Variants in ACER3 observed in about 807,000 individuals in gnomAD.
ACER3 encodes the protein alkaline ceramidase 3, also known as alkCDase 3.
In ACER3, 16 loss-of-function variants were observed where a neutral mutation model predicts 48.9. The ratio of observed to expected loss-of-function variants is 0.33; its 90% confidence interval spans 0.22 to 0.50. ACER3 has a LOEUF of 0.50. ACER3 is among the 20% of genes least tolerant of loss of function. The pLI is 0.98. For missense variants in ACER3, 227 were observed against 326.0 expected (o/e 0.70, Z 2.34); for synonymous variants, 109 against 107.8 (o/e 1.01, Z -0.07).
intron 3 of ACER3, among the ~76,000 whole-genome samples, chr11:76,963,414 A>G (rs1366211437): frequency 6.6e-6 from 1 of 151,318 alleles, no homozygotes; most frequent in Non-Finnish European, 1.5e-5. Context: ...TTTTCCTCCA[A>G]CCTCATTCTT....
At chr11:76,934,359 C>G (rs911595825) in intron 2 of ACER3, among the ~76,000 whole-genome samples, 2 of 152,172 alleles carry the variant, frequency 1.3e-5, no homozygotes, top group African/African-American at 4.8e-5. Context: ...GAGGTTGTAG[C>G]CAGCCGAGAT....
intron 1 of ACER3, among the ~76,000 whole-genome samples, chr11:76,892,680 G>C (rs1051523199): frequency 6.6e-6 from 1 of 151,930 alleles, no homozygotes; most frequent in Non-Finnish European, 1.5e-5. Context: ...GAGAGATTTG[G>C]GAATTTTTTT....
At chr11:76,927,456 C>G (rs1946860261) in intron 2 of ACER3, among the ~76,000 whole-genome samples, 1 of 93,656 alleles carries the variant, frequency 1.1e-5, no homozygotes, top group East Asian at 3.2e-4. Flanking sequence ...ATTTTCTATT[C>G]TGTTTTTTTT....
intron 7 of ACER3, among the ~76,000 whole-genome samples, chr11:77,001,579 G>T (rs1263892239): frequency 6.6e-6 from 1 of 152,044 alleles, no homozygotes; most frequent in Non-Finnish European, 1.5e-5. Flanking sequence ...TTTAAGATTT[G>T]CTGCAAATAG....
At chr11:76,868,334 T>C (rs1945147863) in intron 1 of ACER3, 1 of 1,230,988 alleles carries the variant, frequency 8.1e-7, no homozygotes, top group Non-Finnish European at 1.0e-6. Flanking sequence ...GAAGGCCAAA[T>C]GAAAGGACAA....
intron 6 of ACER3, among the ~76,000 whole-genome samples, chr11:76,994,455 A>G (rs995030799): frequency 4.0e-5 from 6 of 151,382 alleles, no homozygotes; most frequent in African/African-American, 1.5e-4. Context: ...CAGTACAGAC[A>G]GGGTTTTTTC....
At chr11:76,983,468 A>C (rs957885228) in intron 4 of ACER3, among the ~76,000 whole-genome samples, 6 of 151,984 alleles carry the variant, frequency 3.9e-5, no homozygotes, top group African/African-American at 1.4e-4. Flanking sequence ...AGTGCGCTCC[A>C]CCATGCCCAG....
At chr11:76,885,815 T>C (rs1047090615) in intron 1 of ACER3, among the ~76,000 whole-genome samples, 4 of 152,142 alleles carry the variant, frequency 2.6e-5, no homozygotes, top group Non-Finnish European at 5.9e-5. Context: ...GTGCACTCCT[T>C]TGCTATCTGG....
chr11:76,868,587 AC>A (rs1332760219), intron 1 of ACER3, among the ~76,000 whole-genome samples: 1 of 152,210 alleles, frequency 6.6e-6, no homozygotes, highest in African/African-American at 2.4e-5. Context: ...CCAAGGCAGG[AC>A]TCTAATCTGA....
At chr11:76,865,251 T>C (rs933806037) in intron 1 of ACER3, among the ~76,000 whole-genome samples, 3 of 151,056 alleles carry the variant, frequency 2.0e-5, no homozygotes, top group Non-Finnish European at 4.4e-5. Context: ...TCCCAAAGTG[T>C]TGAGAATATA....
intron 1 of ACER3, among the ~76,000 whole-genome samples, chr11:76,904,841 ATGTGTG>A (rs3047842): frequency 4.7e-5 from 7 of 147,424 alleles, no homozygotes; most frequent in Non-Finnish European, 1.1e-4. Flanking sequence ...TTCTCTATGT[ATGTGTG>A]TGTGTGTGTG....
intron 1 of ACER3, among the ~76,000 whole-genome samples, chr11:76,870,023 G>A (rs972015580): frequency 1.3e-5 from 2 of 151,750 alleles, no homozygotes; most frequent in South Asian, 4.2e-4. Flanking sequence ...CACCACACCT[G>A]GCTACTTTTT....
chr11:76,992,244 G>C (rs926736897), intron 6 of ACER3, among the ~76,000 whole-genome samples: 2 of 151,878 alleles, frequency 1.3e-5, no homozygotes, highest in African/African-American at 4.8e-5. Context: ...AATAAATGAA[G>C]TTAATTTGTA....
At chr11:76,896,562 A>C (rs977496574) in intron 1 of ACER3, among the ~76,000 whole-genome samples, 1 of 152,106 alleles carries the variant, frequency 6.6e-6, no homozygotes, top group African/African-American at 2.4e-5. Flanking sequence ...CTAAGTAGAA[A>C]TCTTTGAAAC....
chr11:77,023,057 TCTGC>T lies in ACER3; in HGVS notation c.*2736_*2739del. On this transcript the variant is annotated 3_prime_UTR_variant, in exon 11 of 11. Coordinates refer to ENST00000532485, the MANE Select transcript of ACER3 (RefSeq NM_018367.7). ...GAAAGGAGGTTAAGCTGATTGTCAC[TCTGC>T]CTGCCCACTACCTACTCCCCACCAT... is the stretch of plus-strand genomic sequence containing the variant. 2.5e-6 allele frequency: 1 copy of T among 398,518 alleles called. No homozygotes were observed. Among genetic ancestry groups the T allele is most frequent in the Non-Finnish European group, 4.4e-6 (1 of 225,996 alleles). 24.7% of individuals were successfully genotyped at this position (398,518 alleles called of 1,614,324 possible).
chr11:76,866,866 G>T (rs774749600), intron 1 of ACER3, among the ~76,000 whole-genome samples: 2 of 152,172 alleles, frequency 1.3e-5, no homozygotes, highest in Non-Finnish European at 2.9e-5. Context: ...TTCAGGTGCT[G>T]TTGGTTTAAT....
intron 7 of ACER3, among the ~76,000 whole-genome samples, chr11:77,002,737 T>G (rs1949059107): frequency 6.6e-6 from 1 of 152,186 alleles, no homozygotes; most frequent in Non-Finnish European, 1.5e-5. Flanking sequence ...AAATCTGTTT[T>G]TTGGGGCATT....
intron 7 of ACER3, among the ~76,000 whole-genome samples, chr11:77,003,348 A>G (rs1949072101): frequency 6.6e-6 from 1 of 152,172 alleles, no homozygotes; most frequent in African/African-American, 2.4e-5. Context: ...TTATGTGTGT[A>G]GCATTGGTTA....
chr11:76,915,936 T>A (rs1946516269), intron 1 of ACER3, among the ~76,000 whole-genome samples: 1 of 152,184 alleles, frequency 6.6e-6, no homozygotes, highest in Non-Finnish European at 1.5e-5. Flanking sequence ...CCTCAACACC[T>A]GGGGATTACA....
Sources: gnomAD v4.1 joint callset for allele counts (sites outside exome capture counted in the v4.1 genomes callset) on GRCh38, gnomAD v4.1.1 for gene constraint, MANE v1.5 for transcripts, NCBI Gene and HGNC (gene_info 2026-07-23, HGNC 2026-07-21) for gene names.